The following MGMT variants were observed in gnomAD, a reference collection of about 807,000 sequenced individuals.
The protein encoded by MGMT is O-6-methylguanine-DNA methyltransferase.
Under a neutral mutation model 15.9 loss-of-function variants are expected in MGMT, and 14 were observed. That is an observed-to-expected ratio of 0.88 (90% CI 0.58 to 1.37). The LOEUF is 1.37. Ranked by LOEUF, MGMT falls within the 40% of genes most tolerant of loss-of-function variation. MGMT has a pLI of 0.00. For synonymous variants in MGMT, 130 were observed against 118.2 expected, an observed-to-expected ratio of 1.10 and a Z score of -0.65; for missense variants, 282 against 268.1, an observed-to-expected ratio of 1.05 and a Z score of -0.36.
intron 2 of MGMT, among the ~76,000 whole-genome samples, chr10:129,585,250 G>A (rs1049304010): frequency 6.6e-6 from 1 of 152,190 alleles, no homozygotes; most frequent in South Asian, 2.1e-4. Context: ...ATTCACAATA[G>A]GGCTGGTTGA....
intron 3 of MGMT, among the ~76,000 whole-genome samples, chr10:129,743,762 C>T (rs1167026389): frequency 6.6e-6 from 1 of 152,198 alleles, no homozygotes; most frequent in Non-Finnish European, 1.5e-5. Flanking sequence ...CATTGTATTC[C>T]ATAGCCGCTG....
At chr10:129,660,967 A>G (rs2133105498) in intron 2 of MGMT, among the ~76,000 whole-genome samples, 1 of 152,340 alleles carries the variant, frequency 6.6e-6, no homozygotes, top group South Asian at 2.1e-4. Flanking sequence ...GTACAGCCGT[A>G]AAATCCTCTT....
chr10:129,748,959 G>T (rs1038695641), intron 3 of MGMT, among the ~76,000 whole-genome samples: 53 of 152,128 alleles, frequency 3.5e-4, no homozygotes, highest in African/African-American at 1.1e-3. Flanking sequence ...CAGTATTTAT[G>T]TACAGTTCCT....
chr10:129,638,430 AAAAAAAAAAAAAAAAG>A (rs965788899), intron 2 of MGMT, among the ~76,000 whole-genome samples: 4 of 84,922 alleles, frequency 4.7e-5, no homozygotes, highest in African/African-American at 2.0e-4. Flanking sequence ...CCAAAGAGGC[AAAAAAAAAAAAAAAAG>A]AAAAAAAAAA....
At chr10:129,679,219 T>C (rs1461523498) in intron 2 of MGMT, among the ~76,000 whole-genome samples, 2 of 152,200 alleles carry the variant, frequency 1.3e-5, no homozygotes, top group African/African-American at 4.8e-5. Flanking sequence ...TTTCATACTT[T>C]TTATCTATTC....
intron 2 of MGMT, 81 bp from the exon 3 acceptor site, chr10:129,707,814 T>G: frequency 6.3e-7 from 1 of 1,577,588 alleles, no homozygotes; most frequent in Non-Finnish European, 8.6e-7. Flanking sequence ...TTTGCCCGTT[T>G]AGATGCAGTA....
intron 2 of MGMT, among the ~76,000 whole-genome samples, chr10:129,594,056 CCT>C (rs1846721807): frequency 6.6e-6 from 1 of 152,112 alleles, no homozygotes; most frequent in African/African-American, 2.4e-5. Context: ...TTGGCAAGTC[CCT>C]GTTTATGCGA....
intron 2 of MGMT, among the ~76,000 whole-genome samples, chr10:129,554,163 C>G (rs1846188356): frequency 6.6e-6 from 1 of 152,222 alleles, no homozygotes; most frequent in South Asian, 2.1e-4. Context: ...ATTCTGTGAC[C>G]TGATGTGCAT....
chr10:129,586,336 C>T (rs911648370), intron 2 of MGMT, among the ~76,000 whole-genome samples: 1 of 152,206 alleles, frequency 6.6e-6, no homozygotes, highest in African/African-American at 2.4e-5. Context: ...TGATTCCTCT[C>T]CTCACCTCAA....
rs572844101 is a variant in MGMT, at chr10:129,632,041, A to G, written c.126-75854A>G. Among the ~76,000 whole-genome samples the G allele has an allele frequency of 8.5e-5, 13 of 152,154 alleles. No homozygotes were observed. The South Asian group carries it at 2.5e-3, about 29-fold the overall frequency. On this transcript the variant is annotated intron_variant, in intron 2 of 4. Transcript: ENST00000651593. ...CGTAAGCCACCGCGCCCAGCTTTCT[A>G]GTTTGTTTTTATGCCTACAGCGTAC...
At position 129,504,104 on chromosome 10, in the gene MGMT, A is replaced by G. The variant is rs143475247; in HGVS notation, c.-12-32137A>G. Among the ~76,000 whole-genome samples the G allele has an allele frequency of 3.9e-5, 6 of 152,344 alleles. No individual in the cohort carries two copies. In the East Asian group the frequency reaches 9.7e-4, roughly 25 times the overall value. On this transcript the variant is annotated intron_variant, in intron 1 of 4. Coordinates refer to ENST00000651593, the MANE Select transcript of MGMT (RefSeq NM_002412.5). The stretch of plus-strand genomic sequence containing the variant: ...CCATCTACATGTACTATTTAAATGA[A>G]ACACTTTAGGAGCAGTAATTTATAA...
At chr10:129,753,859 C>A (rs1205120891) in intron 3 of MGMT, among the ~76,000 whole-genome samples, 1 of 151,924 alleles carries the variant, frequency 6.6e-6, no homozygotes, top group Non-Finnish European at 1.5e-5. Context: ...TGGATTGTAT[C>A]CTGGTCATTT....
rs550465676 is a variant in MGMT, at chr10:129,660,089, A to G, written c.126-47806A>G. Among the ~76,000 whole-genome samples, 3 of 152,282 alleles carry G rather than the reference A, an allele frequency of 2.0e-5. No individual in the cohort carries two copies. The East Asian group carries it at 5.8e-4, about 29-fold the overall frequency. ...AATTCCAACAGCCATTTGTCTTTTCAGAGCTAAGTTTATAACTTCCTCCTT... is the reference window on the plus strand; with the variant it reads ...AATTCCAACAGCCATTTGTCTTTTCGGAGCTAAGTTTATAACTTCCTCCTT... On this transcript the variant is annotated intron_variant, in intron 2 of 4. Transcript: ENST00000651593.
At chr10:129,642,029 C>A (rs891997025) in intron 2 of MGMT, among the ~76,000 whole-genome samples, 1 of 152,164 alleles carries the variant, frequency 6.6e-6, no homozygotes, top group Non-Finnish European at 1.5e-5. Flanking sequence ...TCTAGTAGGG[C>A]CACTTTTGAA....
At chr10:129,689,143 T>G (rs1440640129) in intron 2 of MGMT, among the ~76,000 whole-genome samples, 2 of 152,176 alleles carry the variant, frequency 1.3e-5, no homozygotes, top group Non-Finnish European at 2.9e-5. Context: ...TTGCCCAGGT[T>G]TGTCTCAAAT....
rs77155101 is a variant in MGMT at position 129,622,951 on chromosome 10, C to T, written c.126-84944C>T. ...GCAGGATCTACGTGGGCCGAGCATA[C>T]AGCCCTAGATGAATGACTTATGTCT... On this transcript the variant is annotated intron_variant, in intron 2 of 4. Transcript: ENST00000651593. Among the ~76,000 whole-genome samples the T allele has an allele frequency of 2.6e-3, 401 of 152,304 alleles. 2 individuals are homozygous for T. The highest frequency in any genetic ancestry group is 9.2e-3 in the African/African-American group (381 of 41,562).
At chr10:129,570,876 A>G (rs2133038982) in intron 2 of MGMT, among the ~76,000 whole-genome samples, 1 of 152,332 alleles carries the variant, frequency 6.6e-6, no homozygotes, top group East Asian at 1.9e-4. Flanking sequence ...TCTGAAGAAC[A>G]GAACATGGAG....
Position 129,732,362 on chromosome 10 carries a change from T to C in MGMT, c.274+24319T>C, listed in dbSNP as rs1044531289. On this transcript the variant is annotated intron_variant, in intron 3 of 4. Transcript: ENST00000651593. ...ATGTTCCCTGCCCTGTGTCCATGTG[T>C]TCTCATTGTTCAGTTCCCACCTGTG... 7.1e-5 allele frequency among the ~76,000 whole-genome samples: 10 copies of C among 140,750 alleles called. No individual in the cohort carries two copies. In the East Asian group the frequency reaches 2.3e-3, roughly 32 times the overall value. The allele number at this position is 140,750 out of a possible 152,430, so 92.3% of individuals were successfully genotyped here. A position where few individuals can be genotyped will look rare whatever the true frequency, so the allele number is the denominator to read the frequency against.
rs779159874 is a variant in MGMT, at chr10:129,766,778, T to G, written c.415-10T>G. 1 of 1,609,072 alleles carries G rather than the reference T, an allele frequency of 6.2e-7. No homozygotes were observed. Among genetic ancestry groups the G allele is most frequent in the Non-Finnish European group, 8.5e-7 (1 of 1,178,620 alleles). On this transcript the variant is annotated splice_polypyrimidine_tract_variant and intron_variant, in intron 4 of 4. Coordinates refer to ENST00000651593, the MANE Select transcript of MGMT (RefSeq NM_002412.5). Reference sequence around the variant, plus strand: ...CCCTGACTGACAGTGGCTGCCCCCCTGTCTTCCAGGTCCCCATCCTCATCC... The same window carrying G: ...CCCTGACTGACAGTGGCTGCCCCCCGGTCTTCCAGGTCCCCATCCTCATCC...
Sources: allele counts gnomAD v4.1 joint callset (sites outside exome capture counted in the v4.1 genomes callset), GRCh38; gene constraint gnomAD v4.1.1; transcripts MANE v1.5; gene names NCBI Gene and HGNC (gene_info 2026-07-23, HGNC 2026-07-21).